MORN4: variants seen among roughly 807,000 people sequenced by gnomAD.
MORN4 encodes MORN repeat-containing protein 4.
A neutral mutation model predicts 16.4 loss-of-function variants in MORN4; 8 were observed. That is an observed-to-expected ratio of 0.49 (90% CI 0.29 to 0.88). The LOEUF is 0.88. MORN4 is among the 40% of genes least tolerant of loss of function. The probability of loss-of-function intolerance (pLI) is 0.09; values close to 1 mark genes in which losing one functional copy is unlikely to be tolerated. For synonymous variants in MORN4, 53 were observed against 68.9 expected (o/e 0.77, Z 1.14); for missense variants, 159 against 182.9 (o/e 0.87, Z 0.75).
rs1163050530 is a variant in MORN4, at chr10:97,615,374, G to A, written c.*889C>T. 2 of 152,156 alleles carry A rather than the reference G, an allele frequency of 1.3e-5. No individual in the cohort carries two copies. Among genetic ancestry groups the A allele is most frequent in the African/African-American group, 4.8e-5 (2 of 41,408 alleles). 9.4% of individuals were successfully genotyped at this position (152,156 alleles called of 1,614,324 possible). A position where few individuals can be genotyped will look rare whatever the true frequency, so the allele number is the denominator to read the frequency against. ...AGGCAGGAGGATCACTTGAGCCCAG[G>A]ATTTTGAGATGAGCCTGAGCCACAT... On this transcript the variant is annotated 3_prime_UTR_variant, in exon 5 of 5. Transcript: ENST00000307450.
Position 97,633,334 on chromosome 10 carries a change from G to A in MORN4, c.-31+13C>T, listed in dbSNP as rs896681647. The stretch of plus-strand genomic sequence containing the variant: ...TCTTTCCCGGCCCCCTCCCTCCTGC[G>A]CCTCCAGCCAACCTGGGGCCGGCCT... On this transcript the variant is annotated intron_variant, in intron 1 of 4. Transcript: ENST00000307450. This position sits in a 1 kb window ranked among gnomAD's most constrained non-coding sequence, Gnocchi z 4.5. The A allele has an allele frequency of 7.8e-7, 1 of 1,289,168 alleles. No homozygotes were observed. Among genetic ancestry groups the A allele is most frequent in the African/African-American group, 1.5e-5 (1 of 65,842 alleles). The allele number at this position is 1,289,168 out of a possible 1,614,324, so 79.9% of individuals were successfully genotyped here.
At position 97,616,223 on chromosome 10, in the gene MORN4, G is replaced by A. The variant is rs375258873; in HGVS notation, c.*40C>T. 1 of 1,511,814 alleles carries A rather than the reference G, an allele frequency of 6.6e-7. No homozygotes were observed. The highest frequency in any genetic ancestry group is 8.8e-7 in the Non-Finnish European group (1 of 1,131,296). The allele number at this position is 1,511,814 out of a possible 1,614,324, so 93.6% of individuals were successfully genotyped here. A position where few individuals can be genotyped will look rare whatever the true frequency, so the allele number is the denominator to read the frequency against. On this transcript the variant is annotated 3_prime_UTR_variant, in exon 5 of 5. Transcript: ENST00000307450. ...ACCTCGAATCAACAACAGGGGCACT[G>A]GCTTTACCCAATACTTATCAGCTGG...
chr10:97,625,015 A>G (rs187067952), intron 1 of MORN4, among the ~76,000 whole-genome samples: 4 of 152,284 alleles, frequency 2.6e-5, no homozygotes, highest in East Asian at 1.9e-4. Flanking sequence ...TTTTTAAAAT[A>G]TATTATCTAA....
intron 2 of MORN4, among the ~76,000 whole-genome samples, chr10:97,618,250 C>CCTCTCTT (rs2041255378): frequency 6.7e-6 from 1 of 148,724 alleles, no homozygotes; most frequent in Admixed American, 6.8e-5. Context: ...TATGTGCCAG[C>CCTCTCTT]CTCTCTTCTT....
intron 1 of MORN4, among the ~76,000 whole-genome samples, chr10:97,629,485 C>T (rs1227169212): frequency 6.6e-6 from 1 of 152,226 alleles, no homozygotes; most frequent in Non-Finnish European, 1.5e-5. Context: ...CGAGCCACCA[C>T]ATAAAAAGCC....
chr10:97,615,436 T>C lies in MORN4; in HGVS notation c.*827A>G, dbSNP rs1238519613. On this transcript the variant is annotated 3_prime_UTR_variant, in exon 5 of 5. Coordinates refer to ENST00000307450, the MANE Select transcript of MORN4 (RefSeq NM_178832.4). ...GGCTCAATTTTTTATAATAATAAAA[T>C]TAAAGGCTGAGCGTGGTGGCTCACG... 6.6e-6 allele frequency: 1 copy of C among 152,098 alleles called. No homozygotes were observed. Among genetic ancestry groups the C allele is most frequent in the Non-Finnish European group, 1.5e-5 (1 of 68,032 alleles). 9.4% of individuals were successfully genotyped at this position (152,098 alleles called of 1,614,324 possible). A position where few individuals can be genotyped will look rare whatever the true frequency, so the allele number is the denominator to read the frequency against.
Position 97,633,281 on chromosome 10 carries a change from T to C in MORN4, c.-31+66A>G. On this transcript the variant is annotated intron_variant, in intron 1 of 4. Transcript: ENST00000307450. The surrounding 1 kb of genome is among the most constrained non-coding windows in gnomAD (Gnocchi z 4.5). ...CGAGCCGGGTCATCTCGTGCTCCGT[T>C]CCTCAGTGCCCACCTGACCGATCAC... is the stretch of plus-strand genomic sequence containing the variant. 1 of 1,269,974 alleles carries C rather than the reference T, an allele frequency of 7.9e-7. No homozygotes were observed. The allele number at this position is 1,269,974 out of a possible 1,614,324, so 78.7% of individuals were successfully genotyped here.
Position 97,616,787 on chromosome 10 carries a change from C to A in MORN4, c.183G>T (p.Arg61Ser), listed in dbSNP as rs2041240376. ...TGCCCTGGGCAAACTCCCCCTCATACCTGCAGAAACACCAAGAAGTTAGCC... is the reference window on the plus strand; with the variant it reads ...TGCCCTGGGCAAACTCCCCCTCATAACTGCAGAAACACCAAGAAGTTAGCC... ...FGVLTFSDGS[R>S]YEGEFAQGKF... The change falls in exon 4 of 5, where the codon AGG (arginine) becomes AGT (serine). Residue 61 changes from arginine (R) to serine (S), a missense_variant and splice_region_variant. By Grantham distance (110) the Arg-to-Ser change is moderately radical. Coordinates refer to ENST00000307450, the MANE Select transcript of MORN4 (RefSeq NM_178832.4). The A allele has an allele frequency of 3.7e-6, 6 of 1,607,038 alleles. No homozygotes were observed. The highest frequency in any genetic ancestry group is 5.1e-6 in the Non-Finnish European group (6 of 1,173,554).
rs2041410295 is a variant in MORN4 at position 97,633,030 on chromosome 10, C to T, written c.-31+317G>A. On this transcript the variant is annotated intron_variant, in intron 1 of 4. Transcript: ENST00000307450. The surrounding 1 kb of genome is among the most constrained non-coding windows in gnomAD (Gnocchi z 4.5). ...TCGCACCCCATTTTCACCTTCCAGG[C>T]GCGTTCCTTCCTGCTATCCGGGCCC... Among the ~76,000 whole-genome samples the T allele has an allele frequency of 1.3e-5, 2 of 152,276 alleles. No homozygotes were observed. Among genetic ancestry groups the T allele is most frequent in the South Asian group, 2.1e-4 (1 of 4,824 alleles).
chr10:97,624,357 C>A (rs948074099), intron 1 of MORN4, among the ~76,000 whole-genome samples: 1 of 152,154 alleles, frequency 6.6e-6, no homozygotes, highest in Admixed American at 6.6e-5. Flanking sequence ...GTCTGAAATA[C>A]CTTTATAACA....
Position 97,616,269 on chromosome 10 carries a change from A to C in MORN4, c.435T>G (p.Thr145=). ...GCTGGTGCCCACTGCGCTGTCAGGC[A>C]GTGAGATTTCTGGCTGACTTGGAGG... ...QSASKSARNL[T]A The change falls in exon 5 of 5, where the codon ACT becomes ACG. Residue 145 remains threonine (T), a synonymous_variant. Transcript: ENST00000307450. 6.3e-7 allele frequency: 1 copy of C among 1,598,918 alleles called. No homozygotes were observed. The highest frequency in any genetic ancestry group is 8.5e-7 in the Non-Finnish European group (1 of 1,172,680).
chr10:97,633,158 G>T lies in MORN4; in HGVS notation c.-31+189C>A, dbSNP rs1589926541. Among the ~76,000 whole-genome samples the T allele has an allele frequency of 6.6e-6, 1 of 152,032 alleles. No homozygotes were observed. The highest frequency in any genetic ancestry group is 1.5e-5 in the Non-Finnish European group (1 of 68,004). ...TAACCCCAGTCCAGTCAGCTCTCCC[G>T]GGCCTCGACCCCCGCGGTGGAGACT... On this transcript the variant is annotated intron_variant, in intron 1 of 4. Coordinates refer to ENST00000307450, the MANE Select transcript of MORN4 (RefSeq NM_178832.4). This position sits in a 1 kb window ranked among gnomAD's most constrained non-coding sequence, Gnocchi z 4.5.
chr10:97,624,302 G>T (rs2041329924), intron 1 of MORN4, among the ~76,000 whole-genome samples: 1 of 152,158 alleles, frequency 6.6e-6, no homozygotes, highest in Non-Finnish European at 1.5e-5. Flanking sequence ...AATTCAGGTG[G>T]CACAACCCTC....
chr10:97,624,782 G>C (rs1049999488), intron 1 of MORN4, among the ~76,000 whole-genome samples: 1 of 151,954 alleles, frequency 6.6e-6, no homozygotes, highest in Non-Finnish European at 1.5e-5. Context: ...GCAATGGCGC[G>C]ATCTTTGCTC....
At chr10:97,617,440 G>A (rs1048663515) in intron 2 of MORN4, 118 bp from the exon 3 acceptor site, 3 of 810,562 alleles carry the variant, frequency 3.7e-6, no homozygotes, top group Non-Finnish European at 2.1e-6. Context: ...AAGAGAAGCA[G>A]TGACATTAGC....
chr10:97,624,090 T>C (rs569651700), intron 1 of MORN4, among the ~76,000 whole-genome samples: 131 of 152,046 alleles, frequency 8.6e-4, no homozygotes, highest in Non-Finnish European at 1.6e-3. Flanking sequence ...AGCTTCCTTT[T>C]CCTTCAAGTC....
intron 1 of MORN4, among the ~76,000 whole-genome samples, chr10:97,629,996 C>T (rs1277907076): frequency 6.8e-6 from 1 of 147,674 alleles, no homozygotes; most frequent in Non-Finnish European, 1.5e-5. Context: ...ACGATCTCAG[C>T]TTACTGCAAG....
At position 97,616,410 on chromosome 10, in the gene MORN4, G is replaced by T. The variant is rs1176522297; in HGVS notation, c.294C>A (p.Gly98=). Residue 98 remains glycine (G), a splice_region_variant and synonymous_variant, in exon 5 of 5, where the codon GGC becomes GGA. Transcript: ENST00000307450. ...EFKNGRVDGF[G]LLTFPDGSHG... ...GAGAACCATCAGGGAAAGTCAGCAG[G>T]CCTTTGAGGAGGGCAGAGAAAATAT... 19 of 1,596,440 alleles carry T rather than the reference G, an allele frequency of 1.2e-5. No homozygotes were observed. Among genetic ancestry groups the T allele is most frequent in the Non-Finnish European group, 1.6e-5 (19 of 1,171,498 alleles).
At chr10:97,616,587 G>A (rs945380678) in intron 4 of MORN4, 91 bp downstream of exon 4, 60 of 1,267,386 alleles carry the variant, frequency 4.7e-5, no homozygotes, top group Middle Eastern at 3.7e-4. Context: ...ACTATGGATT[G>A]CTGGACACCC....
Sources: gnomAD v4.1 joint callset for allele counts (sites outside exome capture counted in the v4.1 genomes callset) on GRCh38, gnomAD v4.1.1 for gene constraint, Gnocchi (gnomAD v3.1) non-coding constraint, MANE v1.5 for transcripts, NCBI Gene and HGNC (gene_info 2026-07-23, HGNC 2026-07-21) for gene names.